Variants in RIMS2 observed in about 807,000 individuals in gnomAD.
RIMS2 encodes the protein regulating synaptic membrane exocytosis protein 2.
RIMS2 carries 59 observed loss-of-function variants against 174.4 expected under a neutral mutation model. The observed-to-expected ratio is 0.34, with a 90% CI of 0.27 to 0.42. The LOEUF (loss-of-function observed/expected upper bound fraction) is 0.42, where lower values mean the gene tolerates loss of function less well. Ranked by LOEUF, RIMS2 falls within the 10% of genes least tolerant of loss-of-function variation. The pLI is 1.00. For synonymous variants in RIMS2, 606 were observed against 572.5 expected (o/e 1.06, Z -0.84); for missense variants, 1,620 against 1,666.3 (o/e 0.97, Z 0.48).
At chr8:103,863,679 T>G (rs909112889) in intron 3 of RIMS2, among the ~76,000 whole-genome samples, 1 of 152,080 alleles carries the variant, frequency 6.6e-6, no homozygotes. Context: ...TAGGAGGTTA[T>G]ATATTTCCAG....
intron 19 of RIMS2, among the ~76,000 whole-genome samples, chr8:104,169,296 G>T (rs1337512625): frequency 2.7e-5 from 3 of 109,422 alleles, no homozygotes; most frequent in Non-Finnish European, 1.9e-5. Context: ...GACTTTTTTT[G>T]TTGTTGGCTA....
chr8:103,728,685 TAC>T (rs1428301451), intron 2 of RIMS2, among the ~76,000 whole-genome samples: 3 of 151,600 alleles, frequency 2.0e-5, no homozygotes, highest in Non-Finnish European at 4.4e-5. Context: ...TTTTTCCCTG[TAC>T]AGTGTTATAC....
At chr8:104,056,721 A>T (rs1422616922) in intron 19 of RIMS2, among the ~76,000 whole-genome samples, 4 of 152,026 alleles carry the variant, frequency 2.6e-5, no homozygotes, top group African/African-American at 9.7e-5. Context: ...GTCTCTACTA[A>T]AAATAAAAAA....
At chr8:104,169,893 T>C (rs2098822200) in intron 19 of RIMS2, among the ~76,000 whole-genome samples, 1 of 152,072 alleles carries the variant, frequency 6.6e-6, no homozygotes. Flanking sequence ...TTTCAAGGAA[T>C]TTTTTAATTT....
chr8:104,051,857 C>T (rs979711168), intron 19 of RIMS2, among the ~76,000 whole-genome samples: 1 of 152,138 alleles, frequency 6.6e-6, no homozygotes, highest in African/African-American at 2.4e-5. Flanking sequence ...AGACATAATA[C>T]ATGCAAAGCT....
At chr8:103,940,269 T>C (rs1283139011) in intron 13 of RIMS2, among the ~76,000 whole-genome samples, 1 of 152,134 alleles carries the variant, frequency 6.6e-6, no homozygotes, top group Non-Finnish European at 1.5e-5. Context: ...GAGCAAGTCA[T>C]GTCTTACATG....
chr8:103,793,894 C>G (rs889364100), intron 3 of RIMS2, among the ~76,000 whole-genome samples: 1 of 152,074 alleles, frequency 6.6e-6, no homozygotes, highest in African/African-American at 2.4e-5. Flanking sequence ...AGGACCTCTT[C>G]AAGGAGAACT....
chr8:103,804,180 C>T (rs559245101), intron 3 of RIMS2, among the ~76,000 whole-genome samples: 1 of 152,236 alleles, frequency 6.6e-6, no homozygotes, highest in South Asian at 2.1e-4. Flanking sequence ...TATTGTCTAA[C>T]TTAGTGGAAG....
chr8:103,600,367 T>C (rs1257817417), intron 1 of RIMS2, among the ~76,000 whole-genome samples: 1 of 152,196 alleles, frequency 6.6e-6, no homozygotes, highest in Non-Finnish European at 1.5e-5. Context: ...CCTCCTGGGT[T>C]CGAGCAATTA....
intron 17 of RIMS2, among the ~76,000 whole-genome samples, chr8:103,993,955 T>G (rs2094898428): frequency 6.8e-6 from 1 of 146,406 alleles, no homozygotes; most frequent in South Asian, 2.1e-4. Context: ...GAGGCTGAGG[T>G]GGGAGGATTG....
chr8:103,567,892 G>A (rs2092494237), intron 1 of RIMS2, among the ~76,000 whole-genome samples: 1 of 152,130 alleles, frequency 6.6e-6, no homozygotes, highest in Admixed American at 6.5e-5. Flanking sequence ...GGTTTGCCTT[G>A]CATTTCTCTA....
intron 1 of RIMS2, among the ~76,000 whole-genome samples, chr8:103,679,936 C>T (rs1422178578): frequency 1.3e-5 from 2 of 151,896 alleles, no homozygotes; most frequent in African/African-American, 4.8e-5. Flanking sequence ...TATAGTCAAA[C>T]TCATGTTTTC....
chr8:104,168,597 A>G (rs528522542), intron 19 of RIMS2, among the ~76,000 whole-genome samples: 10 of 151,770 alleles, frequency 6.6e-5, no homozygotes, highest in African/African-American at 2.4e-4. Context: ...GTATACGATC[A>G]TATCAGCGAC....
intron 1 of RIMS2, among the ~76,000 whole-genome samples, chr8:103,517,930 A>AC (rs796420516): frequency 1.5e-4 from 22 of 151,490 alleles, no homozygotes; most frequent in African/African-American, 4.8e-4. Flanking sequence ...CTAAAAAAAA[A>AC]AAATTGCAAA....
chr8:103,820,411 TGA>T (rs2098744780), intron 3 of RIMS2, among the ~76,000 whole-genome samples: 1 of 152,006 alleles, frequency 6.6e-6, no homozygotes, highest in African/African-American at 2.4e-5. Context: ...TGGAGAAGAC[TGA>T]GAAAGAAATT....
chr8:103,752,088 A>G (rs1471087267), intron 2 of RIMS2, among the ~76,000 whole-genome samples: 1 of 152,150 alleles, frequency 6.6e-6, no homozygotes, highest in Non-Finnish European at 1.5e-5. Flanking sequence ...TTTTAGGTCT[A>G]ATGTTTAAGT....
At chr8:104,212,040 G>C (rs868326964) in intron 19 of RIMS2, among the ~76,000 whole-genome samples, 1 of 152,134 alleles carries the variant, frequency 6.6e-6, no homozygotes, top group South Asian at 2.1e-4. Context: ...GCAACTATTT[G>C]GCTGCTGATG....
intron 19 of RIMS2, among the ~76,000 whole-genome samples, chr8:104,019,108 G>C (rs2096012416): frequency 6.6e-6 from 1 of 152,154 alleles, no homozygotes; most frequent in Non-Finnish European, 1.5e-5. Context: ...TGAAGCAGGA[G>C]AGTCACTTGA....
chr8:104,094,306 A>C (rs1598681417), intron 19 of RIMS2, among the ~76,000 whole-genome samples: 1 of 152,238 alleles, frequency 6.6e-6, no homozygotes, highest in South Asian at 2.1e-4. Context: ...CTATTTATAC[A>C]GTGCTTCTCT....
Sources: allele counts gnomAD v4.1 joint callset (sites outside exome capture counted in the v4.1 genomes callset), GRCh38; gene constraint gnomAD v4.1.1; transcripts MANE v1.5; gene names NCBI Gene and HGNC (gene_info 2026-07-23, HGNC 2026-07-21).